Variants in KLHL1 observed in about 807,000 individuals in gnomAD.
KLHL1 encodes the protein kelch-like protein 1.
In KLHL1, 47 loss-of-function variants were observed where a neutral mutation model predicts 77.7. The observed-to-expected ratio is 0.60, with a 90% confidence interval of 0.48 to 0.77. KLHL1 has a LOEUF of 0.77. Ranked by LOEUF, KLHL1 falls within the 30% of genes least tolerant of loss-of-function variation. The pLI is 0.00. For synonymous variants in KLHL1, 360 were observed against 325.2 expected, an observed-to-expected ratio of 1.11 and a Z score of -1.15; for missense variants, 925 against 910.8, an observed-to-expected ratio of 1.02 and a Z score of -0.20.
intron 1 of KLHL1, among the ~76,000 whole-genome samples, chr13:70,020,141 T>G (rs1036329106): frequency 6.6e-6 from 1 of 152,154 alleles, no homozygotes; most frequent in Non-Finnish European, 1.5e-5. Context: ...TTTCAGGTTT[T>G]CTGTTATAGC....
intron 6 of KLHL1, among the ~76,000 whole-genome samples, chr13:69,833,753 A>G (rs1178542914): frequency 8.1e-5 from 12 of 148,766 alleles, no homozygotes; most frequent in African/African-American, 3.1e-4. Flanking sequence ...AATGGTATAT[A>G]TATATATATA....
intron 1 of KLHL1, among the ~76,000 whole-genome samples, chr13:70,086,657 T>C (rs968964867): frequency 6.7e-6 from 1 of 148,834 alleles, no homozygotes; most frequent in East Asian, 2.0e-4. Flanking sequence ...ACAAGACTTA[T>C]TTATTTTGTT....
At chr13:69,710,913 C>A (rs1321021625) in intron 9 of KLHL1, among the ~76,000 whole-genome samples, 1 of 151,898 alleles carries the variant, frequency 6.6e-6, no homozygotes, top group Non-Finnish European at 1.5e-5. Flanking sequence ...AGAGTGTGAG[C>A]TCCGTATCAG....
chr13:69,786,173 C>CTG (rs200234321), intron 7 of KLHL1, among the ~76,000 whole-genome samples: 1,822 of 152,248 alleles, frequency 0.012, 24 homozygotes, highest in African/African-American at 0.04. Context: ...CAGCATCATC[C>CTG]TGATACCAAA....
At chr13:69,706,894 A>G (rs1248169971) in intron 10 of KLHL1, among the ~76,000 whole-genome samples, 3 of 151,836 alleles carry the variant, frequency 2.0e-5, no homozygotes, top group Non-Finnish European at 4.4e-5. Flanking sequence ...ACACACCAAC[A>G]CACATCCTCT....
chr13:70,040,942 G>A (rs1367459715), intron 1 of KLHL1, among the ~76,000 whole-genome samples: 2 of 149,306 alleles, frequency 1.3e-5, no homozygotes, highest in African/African-American at 2.6e-5. Context: ...TTTTCTCTCT[G>A]TTTGTTTTAC....
chr13:70,105,465 A>G, intron 1 of KLHL1, among the ~76,000 whole-genome samples: 1 of 151,538 alleles, frequency 6.6e-6, no homozygotes, highest in East Asian at 1.9e-4. Flanking sequence ...TAATATTTCT[A>G]GGAGCTTATT....
chr13:69,783,694 G>A lies in KLHL1; in HGVS notation c.1639+13044C>T, dbSNP rs975027383. On this transcript the variant is annotated intron_variant, in intron 7 of 10. Transcript: ENST00000377844. ...GACTATGTGAAAAGACCAAATCTAC[G>A]TCTGATTGATTGGTGTACCTGAAAG... 2.7e-4 allele frequency among the ~76,000 whole-genome samples: 35 copies of A among 127,694 alleles called. 5 individuals are homozygous for A. The highest frequency in any genetic ancestry group is 4.8e-4 in the Non-Finnish European group (28 of 58,752). The allele number at this position is 127,694 out of a possible 152,430, so 83.8% of individuals were successfully genotyped here.
intron 4 of KLHL1, among the ~76,000 whole-genome samples, chr13:69,919,744 G>C (rs1354636812): frequency 6.6e-6 from 1 of 152,064 alleles, no homozygotes; most frequent in African/African-American, 2.4e-5. Flanking sequence ...CAGATATTTG[G>C]CTTTCTGTTC....
At chr13:69,746,872 G>A (rs1874238075) in intron 7 of KLHL1, among the ~76,000 whole-genome samples, 2 of 151,968 alleles carry the variant, frequency 1.3e-5, no homozygotes, top group Admixed American at 1.3e-4. Flanking sequence ...TCTGTCTAGG[G>A]AATTCCTTCC....
chr13:69,975,694 C>T lies in KLHL1; in HGVS notation c.606G>A (p.Met202Ile). Residue 202 changes from methionine to isoleucine, a missense_variant, in exon 2 of 11, where the codon ATG (methionine) becomes ATA (isoleucine). By Grantham distance (10) the Met-to-Ile change is conservative. Transcript: ENST00000377844. ...GTTGCTGCTGCTTCAAATAACTTTC[C>T]ATCTTTCTGAAGGTTTGCTCAGCAT... ...VHHAEQTFRK[M>I]ESYLKQQQLC... 5 of 1,613,594 alleles carry T rather than the reference C, an allele frequency of 3.1e-6. No individual in the cohort carries two copies. The highest frequency in any genetic ancestry group is 4.2e-6 in the Non-Finnish European group (5 of 1,179,788).
At chr13:69,936,510 A>G (rs1883192347) in intron 4 of KLHL1, among the ~76,000 whole-genome samples, 1 of 150,470 alleles carries the variant, frequency 6.6e-6, no homozygotes, top group Admixed American at 6.7e-5. Flanking sequence ...AATTGCCCGA[A>G]CCTGGGAGGC....
Position 69,935,020 on chromosome 13 carries a change from AT to A in KLHL1, c.1014+5019del, listed in dbSNP as rs570348335. Among the ~76,000 whole-genome samples, 76 of 147,718 alleles carry A rather than the reference AT, an allele frequency of 5.1e-4. No individual in the cohort carries two copies. The East Asian group carries it at 0.012, about 23-fold the overall frequency. ...TATATACATATTATCATTATAAAGTATCATTATCATTATAAAGTATTATAAA... is the reference window on the plus strand; with the variant it reads ...TATATACATATTATCATTATAAAGTACATTATCATTATAAAGTATTATAAA... On this transcript the variant is annotated intron_variant, in intron 4 of 10. Transcript: ENST00000377844.
At chr13:69,822,052 A>G (rs1281963054) in intron 6 of KLHL1, among the ~76,000 whole-genome samples, 1 of 152,064 alleles carries the variant, frequency 6.6e-6, no homozygotes, top group Non-Finnish European at 1.5e-5. Flanking sequence ...TAAAAATATT[A>G]GCTGGGTGTA....
chr13:70,051,724 T>A (rs1444215958), intron 1 of KLHL1, among the ~76,000 whole-genome samples: 1 of 152,028 alleles, frequency 6.6e-6, no homozygotes, highest in South Asian at 2.1e-4. Context: ...GACTCAATTA[T>A]ATTGTGGGTC....
At chr13:69,872,613 G>A (rs550437701) in intron 5 of KLHL1, among the ~76,000 whole-genome samples, 20 of 152,134 alleles carry the variant, frequency 1.3e-4, no homozygotes, top group East Asian at 9.7e-4. Flanking sequence ...AAACCCTCCC[G>A]TCACTTTCTC....
Position 69,780,439 on chromosome 13 carries a change from C to T in KLHL1, c.1639+16299G>A, listed in dbSNP as rs544260307. 2.6e-5 allele frequency among the ~76,000 whole-genome samples: 4 copies of T among 151,854 alleles called. No homozygotes were observed. In the East Asian group the frequency reaches 7.8e-4, roughly 29 times the overall value. On this transcript the variant is annotated intron_variant, in intron 7 of 10. Transcript: ENST00000377844. Reference sequence around the variant, plus strand: ...TTAAGTAAAAGAGACATGAAGAGGGCACACACATATGATATATTTAGAGAA... The same window carrying T: ...TTAAGTAAAAGAGACATGAAGAGGGTACACACATATGATATATTTAGAGAA...
intron 5 of KLHL1, among the ~76,000 whole-genome samples, chr13:69,843,006 A>G (rs569712666): frequency 6.6e-6 from 1 of 151,818 alleles, no homozygotes; most frequent in Admixed American, 6.6e-5. Flanking sequence ...GGAGGTAGAG[A>G]GTTGAAAGAC....
chr13:69,838,986 A>G lies in KLHL1; in HGVS notation c.1404T>C (p.Asp468=), dbSNP rs560667265. 2.1e-5 allele frequency: 34 copies of G among 1,604,018 alleles called. 1 individual carries two copies. The South Asian group carries it at 3.5e-4, about 16-fold the overall frequency. ...TCCAGAATTAAATACCTTTGTTGTT[A>G]TCCATTCCTCCTACAGCATACAAAG... The part of the protein sequence containing the change: ...VGTLYAVGGM[D]NNKGATTIEK... Residue 468 remains aspartate (D), a synonymous_variant, in exon 6 of 11, where the codon GAT becomes GAC. Coordinates refer to ENST00000377844, the MANE Select transcript of KLHL1 (RefSeq NM_020866.3).
Sources: allele counts gnomAD v4.1 joint callset (sites outside exome capture counted in the v4.1 genomes callset), GRCh38; gene constraint gnomAD v4.1.1; transcripts MANE v1.5; gene names NCBI Gene and HGNC (gene_info 2026-07-23, HGNC 2026-07-21).